RGS6: variants seen among roughly 807,000 people sequenced by gnomAD.
The protein encoded by RGS6 is regulator of G protein signaling 6.
In RGS6, 30 loss-of-function variants were observed where a neutral mutation model predicts 78.5. The ratio of observed to expected loss-of-function variants is 0.38; its 90% CI spans 0.29 to 0.52. The LOEUF (loss-of-function observed/expected upper bound fraction) is 0.52, where lower values mean the gene tolerates loss of function less well. Among genes scored for constraint, RGS6 ranks in the 20% least tolerant of loss-of-function variants. The pLI is 0.85. For synonymous variants in RGS6, 206 were observed against 206.0 expected (o/e 1.00, Z 0.00); for missense variants, 495 against 609.7 (o/e 0.81, Z 1.98).
At chr14:72,309,065 T>A (rs2067933170) in intron 2 of RGS6, among the ~76,000 whole-genome samples, 1 of 152,214 alleles carries the variant, frequency 6.6e-6, no homozygotes, top group Non-Finnish European at 1.5e-5. Flanking sequence ...TAAATTCCTA[T>A]TTTTAGCTCC....
Position 71,981,608 on chromosome 14 carries a change from G to A in RGS6, c.84+16733G>A, listed in dbSNP as rs528083911. Among the ~76,000 whole-genome samples, 12 of 151,910 alleles carry A rather than the reference G, an allele frequency of 7.9e-5. No homozygotes were observed. The South Asian group carries it at 1.5e-3, about 18-fold the overall frequency. Reference sequence around the variant, plus strand: ...CCAGTTAGGCTGCTCGGGGGTCAGGGGTCAGGGACCTACTTGAGGAGGCAG... The same window carrying A: ...CCAGTTAGGCTGCTCGGGGGTCAGGAGTCAGGGACCTACTTGAGGAGGCAG... On this transcript the variant is annotated intron_variant, in intron 2 of 17. Coordinates refer to ENST00000553525, the MANE Select transcript of RGS6 (RefSeq NM_001204424.2).
At chr14:72,020,276 G>A (rs55834700) in intron 2 of RGS6, among the ~76,000 whole-genome samples, 2,559 of 152,310 alleles carry the variant, frequency 0.017, 38 homozygotes, top group Non-Finnish European at 0.021. Flanking sequence ...AAAGGATTGG[G>A]CCAAAGTGGC....
At chr14:72,590,082 A>G in the RGS6 span, among the ~76,000 whole-genome samples, 1 of 152,208 alleles carries the variant, frequency 6.6e-6, no homozygotes, top group Non-Finnish European at 1.5e-5. Context: ...AAATTAAACC[A>G]ATGGGATCCC....
chr14:72,188,479 TATCATCATCATCATC>T (rs34314181), intron 2 of RGS6, among the ~76,000 whole-genome samples: 3 of 150,726 alleles, frequency 2.0e-5, no homozygotes, highest in Non-Finnish European at 3.0e-5. Context: ...CTATAGCAGT[TATCATCATCATCATC>T]ATCATCATCA....
intron 12 of RGS6, among the ~76,000 whole-genome samples, chr14:72,479,618 CACTGAGGT>C (rs1470748966): frequency 6.6e-6 from 1 of 152,212 alleles, no homozygotes; most frequent in Non-Finnish European, 1.5e-5. Context: ...GCTCAGCTTA[CACTGAGGT>C]ACTGATCACT....
chr14:72,166,541 T>C (rs907466738), intron 2 of RGS6, among the ~76,000 whole-genome samples: 5 of 152,194 alleles, frequency 3.3e-5, no homozygotes, highest in African/African-American at 1.2e-4. Flanking sequence ...CATTATATGG[T>C]GACACCAGCT....
At chr14:72,547,268 A>G in intron 17 of RGS6, 1 of 1,534,850 alleles carries the variant, frequency 6.5e-7, no homozygotes, top group East Asian at 2.4e-5. Context: ...TGCCAATGTC[A>G]CGGTCAAGGA....
chr14:72,286,379 T>C (rs931974979), intron 2 of RGS6, among the ~76,000 whole-genome samples: 1 of 152,250 alleles, frequency 6.6e-6, no homozygotes, highest in Non-Finnish European at 1.5e-5. Context: ...TGTCTGTCTT[T>C]ACGCCAGTAA....
chr14:72,343,566 C>A (rs567474146), intron 2 of RGS6, among the ~76,000 whole-genome samples: 6 of 152,174 alleles, frequency 3.9e-5, no homozygotes, highest in Non-Finnish European at 8.8e-5. Flanking sequence ...ACATGGATCT[C>A]TTTTGGGGGA....
chr14:72,566,772 A>T (rs1690018495), downstream of RGS6, among the ~76,000 whole-genome samples: 1 of 152,114 alleles, frequency 6.6e-6, no homozygotes, highest in Admixed American at 6.5e-5. Flanking sequence ...AGGTAGAGAC[A>T]GTGGTGTCAC....
intron 2 of RGS6, among the ~76,000 whole-genome samples, chr14:72,173,225 C>T (rs574648673): frequency 9.2e-5 from 14 of 151,996 alleles, no homozygotes; most frequent in African/African-American, 3.4e-4. Flanking sequence ...GTGTGTGAGG[C>T]TGGAAGTGCT....
chr14:72,604,702 C>T, the RGS6 span, among the ~76,000 whole-genome samples: 1 of 152,102 alleles, frequency 6.6e-6, no homozygotes, highest in Non-Finnish European at 1.5e-5. Flanking sequence ...GGTGCTGGTA[C>T]GACCCTCCTT....
At chr14:72,454,289 G>A (rs1005850850) in intron 3 of RGS6, among the ~76,000 whole-genome samples, 9 of 152,136 alleles carry the variant, frequency 5.9e-5, no homozygotes, top group Non-Finnish European at 8.8e-5. Flanking sequence ...CTAGAAACAT[G>A]AATATAAGCT....
At chr14:72,536,410 C>A (rs748280015) in intron 16 of RGS6, 135 bp downstream of exon 16, 14 of 678,546 alleles carry the variant, frequency 2.1e-5, no homozygotes, top group Non-Finnish European at 3.4e-5. Context: ...TCTATCTGCT[C>A]CCATTCTAAT....
chr14:72,177,312 C>T (rs2097119012), intron 2 of RGS6, among the ~76,000 whole-genome samples: 1 of 152,050 alleles, frequency 6.6e-6, no homozygotes, highest in South Asian at 2.1e-4. Context: ...TTGATTTGTT[C>T]TATTCTTCTG....
At chr14:72,253,881 G>A (rs1195041197) in intron 2 of RGS6, among the ~76,000 whole-genome samples, 7 of 152,144 alleles carry the variant, frequency 4.6e-5, no homozygotes, top group Admixed American at 1.3e-4. Context: ...ATATAACTGC[G>A]CCTATCTGTA....
At chr14:72,197,858 G>C (rs1314134074) in intron 2 of RGS6, among the ~76,000 whole-genome samples, 1 of 152,058 alleles carries the variant, frequency 6.6e-6, no homozygotes, top group Non-Finnish European at 1.5e-5. Context: ...TCTCCTAGAA[G>C]ACTTTCTGGA....
At chr14:72,396,430 G>A (rs1284296846) in intron 3 of RGS6, among the ~76,000 whole-genome samples, 3 of 152,202 alleles carry the variant, frequency 2.0e-5, no homozygotes, top group Non-Finnish European at 2.9e-5. Flanking sequence ...TGTAGATTCT[G>A]GATATTAGCC....
chr14:71,895,713 G>A, the RGS6 span, among the ~76,000 whole-genome samples: 2 of 152,278 alleles, frequency 1.3e-5, no homozygotes, highest in Non-Finnish European at 2.9e-5. Flanking sequence ...TACTAACCAG[G>A]TGTAGTGCAG....
Sources: gnomAD v4.1 joint callset for allele counts (sites outside exome capture counted in the v4.1 genomes callset) on GRCh38, gnomAD v4.1.1 for gene constraint, MANE v1.5 for transcripts, NCBI Gene and HGNC (gene_info 2026-07-23, HGNC 2026-07-21) for gene names.